Variants in EYA2 observed in about 807,000 individuals in gnomAD.
EYA2 encodes the protein protein phosphatase EYA2.
A neutral mutation model predicts 69.2 loss-of-function variants in EYA2; 31 were observed. That is an observed-to-expected ratio of 0.45 (90% CI 0.34 to 0.60). The LOEUF (loss-of-function observed/expected upper bound fraction) is 0.60, where lower values mean the gene tolerates loss of function less well. EYA2 is among the 20% of genes least tolerant of loss of function. The pLI, the probability that EYA2 is intolerant of heterozygous loss-of-function variation, is 0.02. For missense variants in EYA2, 622 were observed against 701.2 expected (o/e 0.89, Z 1.28); for synonymous variants, 257 against 279.4 (o/e 0.92, Z 0.80).
chr20:47,119,576 A>C (rs554289701), intron 9 of EYA2, among the ~76,000 whole-genome samples: 1 of 152,356 alleles, frequency 6.6e-6, no homozygotes, highest in African/African-American at 2.4e-5. Context: ...TCATATTTGT[A>C]TGACTGTTTA....
At chr20:47,174,672 T>C (rs1426517175) in intron 12 of EYA2, among the ~76,000 whole-genome samples, 2 of 152,258 alleles carry the variant, frequency 1.3e-5, no homozygotes, top group Admixed American at 1.3e-4. Context: ...CTGCCAGTTT[T>C]GCCACCGTTT....
In EYA2 at chr20:46,945,860, A is replaced by G. The variant is rs143688966; in HGVS notation, c.-10-44141A>G. On this transcript the variant is annotated intron_variant, in intron 1 of 15. Transcript: ENST00000327619. ...CTGCAGAAGGTGGAGGTACTGGGAC[A>G]ATCAAATCAAGCCATCAGCTGTTGA... Among the ~76,000 whole-genome samples, 59 of 152,316 alleles carry G rather than the reference A, an allele frequency of 3.9e-4. No homozygotes were observed. The East Asian group carries it at 0.01, about 26-fold the overall frequency.
At chr20:47,014,215 T>C (rs1478702063) in intron 4 of EYA2, among the ~76,000 whole-genome samples, 2 of 152,124 alleles carry the variant, frequency 1.3e-5, no homozygotes, top group Non-Finnish European at 2.9e-5. Context: ...AGGTCACCAG[T>C]CAATGAAGCA....
chr20:47,087,260 T>C (rs909589025), intron 7 of EYA2, among the ~76,000 whole-genome samples: 10 of 152,186 alleles, frequency 6.6e-5, no homozygotes, highest in African/African-American at 2.4e-4. Flanking sequence ...AAACTCTCCC[T>C]AGCCAAGTCT....
intron 14 of EYA2, 47 bp downstream of exon 14, chr20:47,180,983 G>A (rs2034526971): frequency 1.3e-6 from 2 of 1,593,198 alleles, no homozygotes; most frequent in Non-Finnish European, 1.7e-6. Context: ...TGGAGGGTGG[G>A]GTTAGCTTTC....
At chr20:46,918,374 T>A (rs369058243) in intron 1 of EYA2, among the ~76,000 whole-genome samples, 108 of 149,112 alleles carry the variant, frequency 7.2e-4, no homozygotes, top group Middle Eastern at 3.4e-3. Context: ...AATGGCACGA[T>A]CTCGGCTCAC....
At chr20:47,014,748 ATGTATATATGTG>A (rs1266074885) in intron 4 of EYA2, among the ~76,000 whole-genome samples, 1 of 151,604 alleles carries the variant, frequency 6.6e-6, no homozygotes, top group East Asian at 1.9e-4. Flanking sequence ...TATTTTCTGC[ATGTATATATGTG>A]TGTATATATA....
intron 1 of EYA2, among the ~76,000 whole-genome samples, chr20:46,973,415 G>A (rs545804570): frequency 5.3e-5 from 8 of 152,288 alleles, no homozygotes; most frequent in East Asian, 1.9e-4. Context: ...TTTAGATTCC[G>A]TATCTTACAA....
At chr20:47,017,475 C>T (rs577491367) in intron 5 of EYA2, among the ~76,000 whole-genome samples, 5 of 152,040 alleles carry the variant, frequency 3.3e-5, no homozygotes, top group Non-Finnish European at 7.4e-5. Context: ...GAAGTACTAT[C>T]ACTTCATCTT....
chr20:47,180,359 A>C (rs764216874), intron 13 of EYA2, among the ~76,000 whole-genome samples: 28 of 152,176 alleles, frequency 1.8e-4, no homozygotes, highest in Non-Finnish European at 3.8e-4. Context: ...TAAGTGCACA[A>C]GGCTCAGTGG....
chr20:46,974,335 T>C (rs1980322767), intron 1 of EYA2, among the ~76,000 whole-genome samples: 3 of 152,200 alleles, frequency 2.0e-5, no homozygotes, highest in Admixed American at 2.0e-4. Context: ...AACATTTCTC[T>C]CCTGCCTGTT....
intron 15 of EYA2, among the ~76,000 whole-genome samples, chr20:47,183,845 G>C (rs1183519916): frequency 6.6e-6 from 1 of 152,182 alleles, no homozygotes; most frequent in Non-Finnish European, 1.5e-5. Flanking sequence ...CCACATCTCT[G>C]TTCTTGGAAA....
intron 1 of EYA2, among the ~76,000 whole-genome samples, chr20:46,968,326 G>A (rs1311515345): frequency 2.6e-5 from 4 of 152,192 alleles, no homozygotes; most frequent in Admixed American, 2.0e-4. Context: ...ATGAACCCAA[G>A]AATGGCAAAC....
At chr20:47,116,989 T>C (rs1360487132) in intron 9 of EYA2, among the ~76,000 whole-genome samples, 1 of 137,210 alleles carries the variant, frequency 7.3e-6, no homozygotes, top group East Asian at 2.1e-4. Context: ...TGAACATGCA[T>C]CTGCATTTTT....
chr20:47,106,276 G>T (rs563487907), intron 9 of EYA2, among the ~76,000 whole-genome samples: 1 of 152,092 alleles, frequency 6.6e-6, no homozygotes, highest in Non-Finnish European at 1.5e-5. Flanking sequence ...TGTAGCCCCC[G>T]GACCTAGCAC....
chr20:46,959,259 A>G (rs369746347), intron 1 of EYA2, among the ~76,000 whole-genome samples: 81 of 152,306 alleles, frequency 5.3e-4, no homozygotes, highest in Admixed American at 2.7e-3. Context: ...TGCATCTGTC[A>G]TTGTGTACAT....
intron 1 of EYA2, among the ~76,000 whole-genome samples, chr20:46,943,898 C>T (rs1280048892): frequency 6.6e-6 from 1 of 152,190 alleles, no homozygotes; most frequent in Non-Finnish European, 1.5e-5. Flanking sequence ...TTCCTGCGCT[C>T]TCTTTTTCTT....
intron 9 of EYA2, among the ~76,000 whole-genome samples, chr20:47,141,198 G>T (rs899626770): frequency 5.3e-5 from 8 of 152,192 alleles, no homozygotes; most frequent in African/African-American, 1.9e-4. Context: ...TTATAAAGTG[G>T]CACAGAGAAA....
chr20:47,109,439 G>T (rs1425067533), intron 9 of EYA2, among the ~76,000 whole-genome samples: 1 of 151,818 alleles, frequency 6.6e-6, no homozygotes, highest in Non-Finnish European at 1.5e-5. Flanking sequence ...CCTTTTGTTT[G>T]TTTCCTGTAA....
Sources: gnomAD v4.1 joint callset for allele counts (sites outside exome capture counted in the v4.1 genomes callset) on GRCh38, gnomAD v4.1.1 for gene constraint, MANE v1.5 for transcripts, NCBI Gene and HGNC (gene_info 2026-07-23, HGNC 2026-07-21) for gene names.